The following LTBR variants were observed in gnomAD, a reference collection of about 807,000 sequenced individuals.
The protein encoded by LTBR is lymphotoxin beta receptor.
LTBR carries 15 observed loss-of-function variants against 45.4 expected under a neutral mutation model. That is an observed-to-expected ratio of 0.33 (90% confidence interval 0.22 to 0.51). The LOEUF (loss-of-function observed/expected upper bound fraction) is 0.51. Among genes scored for constraint, LTBR ranks in the 20% least tolerant of loss-of-function variants. The pLI, the probability that LTBR is intolerant of heterozygous loss-of-function variation, is 0.97. For missense variants in LTBR, 450 were observed against 565.5 expected (o/e 0.80, Z 2.07); for synonymous variants, 228 against 231.0 (o/e 0.99, Z 0.12).
upstream of LTBR, chr12:6,383,954 A>C: frequency 1.0e-6 from 1 of 1,004,250 alleles, no homozygotes; most frequent in East Asian, 7.0e-5. Context: ...CGGCTGGGCC[A>C]GGGCTGTCCG....
intron 2 of LTBR, 98 bp downstream of exon 2, chr12:6,384,782 A>C (rs1949020011): frequency 8.1e-7 from 1 of 1,241,160 alleles, no homozygotes; most frequent in Admixed American, 1.9e-5. Context: ...ACTGTCCCCC[A>C]GGAAAACTGG....
At chr12:6,383,996 A>AG (rs1949008878), upstream of LTBR, 9 of 1,130,686 alleles carry the variant, frequency 8.0e-6, no homozygotes, top group South Asian at 3.8e-4. Context: ...CTTCCGAAGA[A>AG]GGGAGGAGGC....
Position 6,385,389 on chromosome 12 carries a change from C to A in LTBR, c.472+10C>A. 2 of 1,613,580 alleles carry A rather than the reference C, an allele frequency of 1.2e-6. No homozygotes were observed. The highest frequency in any genetic ancestry group is 1.1e-5 in the South Asian group (1 of 91,076). ...GAAGCCGAGCTCAAAGGTCAGAGGT[C>A]CCTGAGGGGCTGGATGTGAAAAGGA... On this transcript the variant is annotated intron_variant, in intron 4 of 9. Transcript: ENST00000228918.
At chr12:6,376,571 A>G (rs930260753) in intron 1 of LTBR, among the ~76,000 whole-genome samples, 2 of 152,238 alleles carry the variant, frequency 1.3e-5, no homozygotes, top group African/African-American at 4.8e-5. Flanking sequence ...TGGGAGGAGG[A>G]GAAATTCGTT....
At position 6,388,866 on chromosome 12, in the gene LTBR, G is replaced by T. The variant is rs1213094637; in HGVS notation, c.801+41G>T. ...GAGAAGGCAGCAAGAAGGGGAAGAG[G>T]TGATGAGGGTACAAGGTGGAGCAGA... On this transcript the variant is annotated intron_variant, in intron 8 of 9. Coordinates refer to ENST00000228918, the MANE Select transcript of LTBR (RefSeq NM_002342.3). This position sits in a 1 kb window ranked among gnomAD's most constrained non-coding sequence, Gnocchi z 4.3. 1 of 1,612,902 alleles carries T rather than the reference G, an allele frequency of 6.2e-7. No homozygotes were observed. The highest frequency in any genetic ancestry group is 1.3e-5 in the African/African-American group (1 of 74,902).
chr12:6,382,235 TATG>T (rs1948991792), upstream of LTBR, among the ~76,000 whole-genome samples: 1 of 152,144 alleles, frequency 6.6e-6, no homozygotes, highest in Non-Finnish European at 1.5e-5. Context: ...AATGAAATGA[TATG>T]ATGTCTGGGA....
At chr12:6,379,933 C>CAAAAA (rs60566609), upstream of LTBR, among the ~76,000 whole-genome samples, 1 of 115,994 alleles carries the variant, frequency 8.6e-6, no homozygotes, top group South Asian at 2.6e-4. Flanking sequence ...GACTCTGTCT[C>CAAAAA]AAAAAAAAAA....
At chr12:6,377,659 G>T (rs1309389226) in intron 1 of LTBR, 1 of 1,304,930 alleles carries the variant, frequency 7.7e-7, no homozygotes, top group Non-Finnish European at 1.0e-6. Flanking sequence ...CTTGAGCCAG[G>T]TCCTTACATT....
At chr12:6,389,327 A>T (rs900557301) in intron 8 of LTBR, 3 of 157,998 alleles carry the variant, frequency 1.9e-5, no homozygotes, top group Non-Finnish European at 2.8e-5. Flanking sequence ...TTGCCAAAGC[A>T]TGCGGTGGGG....
upstream of LTBR, among the ~76,000 whole-genome samples, chr12:6,383,761 T>A (rs1177898312): frequency 6.6e-6 from 1 of 152,192 alleles, no homozygotes; most frequent in Non-Finnish European, 1.5e-5. Context: ...CCGGTTCTCC[T>A]CGGTCTCAGA....
At position 6,390,133 on chromosome 12, in the gene LTBR, G is replaced by T; in HGVS notation, c.823G>T (p.Ala275Ser). Residue 275 changes from alanine to serine, a missense_variant, in exon 9 of 10, where the codon GCT becomes TCT. Ala to Ser is a moderately conservative substitution (Grantham distance 99). Coordinates refer to ENST00000228918, the MANE Select transcript of LTBR (RefSeq NM_002342.3). ...RPQGEGPNPVAGSWEPPKAHP... is the reference protein window; with the variant it reads ...RPQGEGPNPVSGSWEPPKAHP... ...GCAGGGAGAGGGACCCAATCCTGTA[G>T]CTGGAAGCTGGGAGCCTCCGAAGGC... 6.2e-7 allele frequency: 1 copy of T among 1,613,986 alleles called. No individual in the cohort carries two copies. The highest frequency in any genetic ancestry group is 8.5e-7 in the Non-Finnish European group (1 of 1,179,904).
In LTBR at chr12:6,388,257, A is replaced by G; in HGVS notation, c.668-141A>G. The G allele has an allele frequency of 1.6e-6, 1 of 630,648 alleles. No homozygotes were observed. Among genetic ancestry groups the G allele is most frequent in the Non-Finnish European group, 2.8e-6 (1 of 353,976 alleles). 39.1% of individuals were successfully genotyped at this position (630,648 alleles called of 1,614,324 possible). ...AAGTTTCTCTCATTCTGCCTTTAGG[A>G]GCTGCATTGTGTCTAGAAGGAAAAA... is the stretch of plus-strand genomic sequence containing the variant. On this transcript the variant is annotated intron_variant, in intron 6 of 9. Coordinates refer to ENST00000228918, the MANE Select transcript of LTBR (RefSeq NM_002342.3). The surrounding 1 kb of genome is among the most constrained non-coding windows in gnomAD (Gnocchi z 4.3).
intron 1 of LTBR, chr12:6,375,724 G>C (rs1948895107): frequency 1.4e-6 from 2 of 1,424,624 alleles, no homozygotes; most frequent in South Asian, 3.0e-5. Flanking sequence ...AGGGGCTTTA[G>C]ACGCAGACAG....
At chr12:6,377,367 A>AAAAT in intron 1 of LTBR, 1 of 1,020,794 alleles carries the variant, frequency 9.8e-7, no homozygotes. Context: ...GTTAGAAAAC[A>AAAAT]AAATAGGAGC....
At position 6,390,935 on chromosome 12, in the gene LTBR, T is replaced by C; in HGVS notation, c.1306T>C (p.Ter436ArgextTer18). The change falls in exon 10 of 10, where the codon TGA becomes CGA. Residue 436 changes from the stop codon to arginine (R), a stop_lost. Coordinates refer to ENST00000228918, the MANE Select transcript of LTBR (RefSeq NM_002342.3). Reference sequence around the variant, plus strand: ...AAGGAACCAATTTATCACCCATGACTGACTGAGTCTGAGAAAAGGCAGAAG... The same window carrying C: ...AAGGAACCAATTTATCACCCATGACCGACTGAGTCTGAGAAAAGGCAGAAG... ...GPRNQFITHD* is the reference protein window; with the variant it reads ...GPRNQFITHDR 6.4e-7 allele frequency: 1 copy of C among 1,551,386 alleles called. No homozygotes were observed. The highest frequency in any genetic ancestry group is 2.4e-5 in the East Asian group (1 of 42,370).
At chr12:6,377,149 G>T (rs770343918) in intron 1 of LTBR, 256 of 922,534 alleles carry the variant, frequency 2.8e-4, no homozygotes, top group Non-Finnish European at 3.7e-4. Flanking sequence ...CAGGCTCAGG[G>T]TCCAACCTGG....
Position 6,391,237 on chromosome 12 carries a change from C to T in LTBR, c.*300C>T, listed in dbSNP as rs564380492. 4 of 289,536 alleles carry T rather than the reference C, an allele frequency of 1.4e-5. No homozygotes were observed. The highest frequency in any genetic ancestry group is 1.5e-4 in the South Asian group (1 of 6,798). The allele number at this position is 289,536 out of a possible 1,614,324, so 17.9% of individuals were successfully genotyped here. On this transcript the variant is annotated 3_prime_UTR_variant, in exon 10 of 10. Transcript: ENST00000228918. ...ATACCAACTGCTGCCCACTACGGCA[C>T]GCCGCACCGGAGCACGGCACCGAGG...
upstream of LTBR, among the ~76,000 whole-genome samples, chr12:6,381,253 A>C (rs1948981803): frequency 6.6e-6 from 1 of 152,232 alleles, no homozygotes. Flanking sequence ...AGAAGCCTCC[A>C]GAGCCATTTG....
Position 6,390,842 on chromosome 12 carries a change from G to A in LTBR, c.1213G>A (p.Glu405Lys). 1 of 1,611,754 alleles carries A rather than the reference G, an allele frequency of 6.2e-7. No homozygotes were observed. Among genetic ancestry groups the A allele is most frequent in the Non-Finnish European group, 8.5e-7 (1 of 1,178,742 alleles). ...TCCCGGGCTCTCTACACCCCACCAGGAAGATGGCAAGGCTTGGCACCTAGC... is the reference window on the plus strand; with the variant it reads ...TCCCGGGCTCTCTACACCCCACCAGAAAGATGGCAAGGCTTGGCACCTAGC... ...GPPGLSTPHQEDGKAWHLAET... is the reference protein window; with the variant it reads ...GPPGLSTPHQKDGKAWHLAET... Residue 405 changes from glutamate to lysine, a missense_variant, in exon 10 of 10, where the codon GAA becomes AAA. Glu to Lys is a moderately conservative substitution (Grantham distance 56). This residue lies in a region of LTBR where 71 missense variants were observed against 90.4 expected (regional missense o/e 0.79). Transcript: ENST00000228918.
Sources: gnomAD v4.1 joint callset for allele counts (sites outside exome capture counted in the v4.1 genomes callset) on GRCh38, gnomAD v4.1.1 for gene constraint, gnomAD v4.1.1 regional missense constraint, Gnocchi (gnomAD v3.1) non-coding constraint, MANE v1.5 for transcripts, NCBI Gene and HGNC (gene_info 2026-07-23, HGNC 2026-07-21) for gene names.